Variants in CNTN3 observed in about 807,000 individuals in gnomAD.
CNTN3 encodes the protein contactin-3.
A neutral mutation model predicts 119.1 loss-of-function variants in CNTN3; 60 were observed. That is an observed-to-expected ratio of 0.50 (90% confidence interval 0.41 to 0.62). The LOEUF is 0.62. Ranked by LOEUF, CNTN3 falls within the 20% of genes least tolerant of loss-of-function variation. CNTN3 has a pLI of 0.00. For synonymous variants in CNTN3, 450 were observed against 438.7 expected (o/e 1.03, Z -0.32); for missense variants, 1,101 against 1,242.4 (o/e 0.89, Z 1.71).
chr3:74,334,971 A>C, intron 12 of CNTN3, 61 bp from the exon 13 acceptor site: 1 of 1,300,470 alleles, frequency 7.7e-7, no homozygotes, highest in Non-Finnish European at 1.1e-6. Flanking sequence ...ACATTTGCAC[A>C]GGCAGACTGT....
chr3:74,442,183 A>G (rs62267317), intron 4 of CNTN3, among the ~76,000 whole-genome samples: 797 of 49,408 alleles, frequency 0.016, 1 homozygote, highest in African/African-American at 0.027. Flanking sequence ...ACACAGAGAG[A>G]GAGAGATTAT....
At position 74,442,501 on chromosome 3, in the gene CNTN3, G is replaced by A. The variant is rs149274748; in HGVS notation, c.359-17561C>T. 2.5e-3 allele frequency among the ~76,000 whole-genome samples: 386 copies of A among 152,066 alleles called. 2 individuals carry two copies. The highest frequency in any genetic ancestry group is 8.8e-3 in the African/African-American group (366 of 41,490). ...ATTATTACCTTTTAAGGTCTAGCACGTTTTTTGTTTCTTCCTTATAAATTT... is the reference window on the plus strand; with the variant it reads ...ATTATTACCTTTTAAGGTCTAGCACATTTTTTGTTTCTTCCTTATAAATTT... On this transcript the variant is annotated intron_variant, in intron 4 of 22. Coordinates refer to ENST00000263665, the MANE Select transcript of CNTN3 (RefSeq NM_020872.3).
intron 1 of CNTN3, among the ~76,000 whole-genome samples, chr3:74,601,047 A>G (rs1704901043): frequency 6.7e-6 from 1 of 149,978 alleles, no homozygotes; most frequent in Non-Finnish European, 1.5e-5. Flanking sequence ...TATCATATAT[A>G]TTTACATATA....
chr3:74,490,128 G>A (rs1702935881), intron 3 of CNTN3, among the ~76,000 whole-genome samples: 1 of 152,168 alleles, frequency 6.6e-6, no homozygotes, highest in South Asian at 2.1e-4. Flanking sequence ...CAAAAAGTGG[G>A]ATGAGAATAC....
chr3:74,581,032 C>T lies in CNTN3; in HGVS notation c.-81+33359G>A, dbSNP rs146854747. The stretch of plus-strand genomic sequence containing the variant: ...CCACCATGCTCAGCATGACTTCATT[C>T]TTAATGGGGAAAATCAAGCACTTGT... On this transcript the variant is annotated intron_variant, in intron 1 of 22. Transcript: ENST00000263665. 6.8e-3 allele frequency among the ~76,000 whole-genome samples: 1,039 copies of T among 152,254 alleles called. 10 individuals are homozygous for T. Among genetic ancestry groups the T allele is most frequent in the South Asian group, 0.021 (101 of 4,822 alleles).
chr3:74,358,717 G>A (rs901891624), intron 11 of CNTN3, among the ~76,000 whole-genome samples: 2 of 148,744 alleles, frequency 1.3e-5, no homozygotes, highest in African/African-American at 2.5e-5. Flanking sequence ...CCACTAACTC[G>A]TCATCTAGCA....
chr3:74,385,214 C>A (rs907393296), intron 5 of CNTN3, among the ~76,000 whole-genome samples: 5 of 152,168 alleles, frequency 3.3e-5, no homozygotes, highest in African/African-American at 1.2e-4. Context: ...TGAAAAAAGG[C>A]AATGAGAACA....
chr3:74,600,542 C>T (rs1037433974), intron 1 of CNTN3, among the ~76,000 whole-genome samples: 1 of 152,058 alleles, frequency 6.6e-6, no homozygotes, highest in African/African-American at 2.4e-5. Flanking sequence ...CATTCTAAGA[C>T]TTGCTTTATA....
At chr3:74,463,323 A>G (rs570692641) in intron 4 of CNTN3, among the ~76,000 whole-genome samples, 2 of 152,230 alleles carry the variant, frequency 1.3e-5, no homozygotes, top group South Asian at 4.1e-4. Context: ...AAAATGGCTG[A>G]TAGATAACTT....
chr3:74,269,451 A>G (rs1419261603), intron 20 of CNTN3, among the ~76,000 whole-genome samples: 2 of 152,184 alleles, frequency 1.3e-5, no homozygotes, highest in East Asian at 3.9e-4. Flanking sequence ...AGTAACTAAT[A>G]CTTAGTACAC....
At chr3:74,287,435 G>T (rs1268056895) in intron 19 of CNTN3, among the ~76,000 whole-genome samples, 2 of 152,030 alleles carry the variant, frequency 1.3e-5, no homozygotes, top group African/African-American at 2.4e-5. Flanking sequence ...AAATGGCATT[G>T]TTCAGCCATT....
intron 4 of CNTN3, among the ~76,000 whole-genome samples, chr3:74,459,503 C>T (rs1472189643): frequency 6.6e-6 from 1 of 151,966 alleles, no homozygotes; most frequent in Admixed American, 6.6e-5. Context: ...AGATCTCTGA[C>T]CCGCCTATCT....
Position 74,301,446 on chromosome 3 carries a change from C to A in CNTN3, c.2047G>T (p.Gly683Cys). 1.2e-6 allele frequency: 2 copies of A among 1,614,118 alleles called. No homozygotes were observed. Among genetic ancestry groups the A allele is most frequent in the Non-Finnish European group, 1.7e-6 (2 of 1,179,990 alleles). ...FRVVASNKIG[G>C]GEPSLPSEKV... Reference sequence around the variant, plus strand: ...TCTGAGGGTAAACTTGGTTCTCCACCTCCAATTTTGTTACTGGCTACAACC... The same window carrying A: ...TCTGAGGGTAAACTTGGTTCTCCACATCCAATTTTGTTACTGGCTACAACC... The change falls in exon 16 of 23, where the codon GGT becomes TGT. Residue 683 changes from glycine to cysteine, a missense_variant. Transcript: ENST00000263665.
chr3:74,477,736 G>A (rs1702685388), intron 4 of CNTN3, among the ~76,000 whole-genome samples: 1 of 151,848 alleles, frequency 6.6e-6, no homozygotes, highest in Non-Finnish European at 1.5e-5. Context: ...TGGGGTGGGG[G>A]AATACCCCAT....
intron 11 of CNTN3, among the ~76,000 whole-genome samples, chr3:74,361,686 G>C (rs1704076073): frequency 6.6e-6 from 1 of 152,056 alleles, no homozygotes; most frequent in South Asian, 2.1e-4. Flanking sequence ...GAAGACCTTG[G>C]ATATATTTTC....
intron 11 of CNTN3, among the ~76,000 whole-genome samples, chr3:74,355,706 C>T (rs960817839): frequency 1.8e-4 from 27 of 152,116 alleles, no homozygotes; most frequent in Non-Finnish European, 3.1e-4. Context: ...CGACGTGCCT[C>T]GGCCTCCCAA....
chr3:74,495,589 T>G (rs1361646076), intron 3 of CNTN3, among the ~76,000 whole-genome samples: 1 of 152,056 alleles, frequency 6.6e-6, no homozygotes, highest in Non-Finnish European at 1.5e-5. Flanking sequence ...CAGACTTCCC[T>G]TCCTTACATC....
At chr3:74,591,983 G>GA (rs1388658440) in intron 1 of CNTN3, among the ~76,000 whole-genome samples, 3 of 151,960 alleles carry the variant, frequency 2.0e-5, no homozygotes, top group Admixed American at 6.6e-5. Context: ...CTGAGGCTCA[G>GA]AAAAAATCTA....
chr3:74,435,893 A>T (rs1027919127), intron 4 of CNTN3, among the ~76,000 whole-genome samples: 7 of 152,138 alleles, frequency 4.6e-5, no homozygotes, highest in Non-Finnish European at 8.8e-5. Context: ...CCCCGCCTGC[A>T]GCCTCTCTCC....
Sources: gnomAD v4.1 joint callset for allele counts (sites outside exome capture counted in the v4.1 genomes callset) on GRCh38, gnomAD v4.1.1 for gene constraint, MANE v1.5 for transcripts, NCBI Gene and HGNC (gene_info 2026-07-23, HGNC 2026-07-21) for gene names.